PRDM10: variants seen among roughly 807,000 people sequenced by gnomAD.
PRDM10 encodes the protein PR domain zinc finger protein 10.
A neutral mutation model predicts 133.1 loss-of-function variants in PRDM10; 65 were observed. The ratio of observed to expected loss-of-function variants is 0.49; its 90% CI spans 0.40 to 0.60. PRDM10 has a LOEUF of 0.60. Among genes scored for constraint, PRDM10 ranks in the 20% least tolerant of loss-of-function variants. The probability of loss-of-function intolerance (pLI) is 0.00; values close to 1 mark genes in which losing one functional copy is unlikely to be tolerated. For missense variants in PRDM10, 1,137 were observed against 1,507.1 expected (o/e 0.75, Z 4.07); for synonymous variants, 582 against 580.4 (o/e 1.00, Z -0.04).
At chr11:129,972,816 A>G (rs1952061549) in intron 1 of PRDM10, among the ~76,000 whole-genome samples, 2 of 152,200 alleles carry the variant, frequency 1.3e-5, no homozygotes, top group African/African-American at 4.8e-5. Context: ...GCCCAAGTCA[A>G]GGAAAAGTGC....
chr11:129,977,851 G>A (rs1277223999), intron 1 of PRDM10, among the ~76,000 whole-genome samples: 2 of 152,118 alleles, frequency 1.3e-5, no homozygotes, highest in Non-Finnish European at 2.9e-5. Flanking sequence ...AGCTAAGTCG[G>A]GAGGCTGAAG....
intron 3 of PRDM10, among the ~76,000 whole-genome samples, chr11:129,955,938 G>A (rs766808646): frequency 4.6e-5 from 7 of 152,148 alleles, no homozygotes; most frequent in Non-Finnish European, 8.8e-5. Flanking sequence ...CACTGCTCAC[G>A]GGAGTAGACT....
At position 129,900,344 on chromosome 11, in the gene PRDM10, A is replaced by AAAGAAGAAG. The variant is rs57861880; in HGVS notation, c.*1960_*1968dup. Reference sequence around the variant, plus strand: ...AGAGTCTTTATTTCACTTAAGGACCAAAGAAGAAGAAGAAGAAGAAGAAGA... The same window carrying AAAGAAGAAG: ...AGAGTCTTTATTTCACTTAAGGACCAAAGAAGAAGAAGAAGAAGAAGAAGAAGAAGAAGA... On this transcript the variant is annotated 3_prime_UTR_variant, in exon 21 of 21. Transcript: ENST00000360871. 1,426 of 151,254 alleles carry AAAGAAGAAG rather than the reference A, an allele frequency of 9.4e-3. 13 individuals are homozygous for AAAGAAGAAG. The highest frequency in any genetic ancestry group is 0.022 in the African/African-American group (884 of 41,060). The allele number at this position is 151,254 out of a possible 1,614,324, so 9.4% of individuals were successfully genotyped here.
At chr11:129,951,566 G>A (rs1023753037) in intron 4 of PRDM10, among the ~76,000 whole-genome samples, 1 of 152,044 alleles carries the variant, frequency 6.6e-6, no homozygotes, top group Non-Finnish European at 1.5e-5. Flanking sequence ...TAAACTTACG[G>A]TATACTTTCT....
chr11:129,954,826 C>T (rs749143044), intron 4 of PRDM10, among the ~76,000 whole-genome samples: 3 of 152,140 alleles, frequency 2.0e-5, no homozygotes, highest in Non-Finnish European at 2.9e-5. Context: ...GTGTGCACCA[C>T]CACACCTGGC....
At chr11:129,941,250 C>T (rs1022948181) in intron 7 of PRDM10, among the ~76,000 whole-genome samples, 1 of 152,126 alleles carries the variant, frequency 6.6e-6, no homozygotes, top group Non-Finnish European at 1.5e-5. Flanking sequence ...TATCAGGAAG[C>T]TAAAGAGTAT....
chr11:129,919,901 G>A (rs921066740), intron 13 of PRDM10, among the ~76,000 whole-genome samples: 6 of 152,078 alleles, frequency 3.9e-5, no homozygotes, highest in African/African-American at 1.4e-4. Context: ...CAATGCATAC[G>A]ACCCAACTCT....
intron 1 of PRDM10, among the ~76,000 whole-genome samples, chr11:129,991,339 T>C (rs1263398580): frequency 6.6e-6 from 1 of 152,236 alleles, no homozygotes; most frequent in African/African-American, 2.4e-5. Flanking sequence ...ACTGATGTAT[T>C]TCACCAGAAA....
intron 9 of PRDM10, among the ~76,000 whole-genome samples, chr11:129,934,161 T>A (rs926199318): frequency 3.3e-5 from 5 of 152,242 alleles, no homozygotes; most frequent in African/African-American, 9.6e-5. Context: ...CAACCCTGTG[T>A]AATTCAATTC....
At chr11:129,946,359 G>A in intron 5 of PRDM10, among the ~76,000 whole-genome samples, 1 of 152,122 alleles carries the variant, frequency 6.6e-6, no homozygotes, top group East Asian at 1.9e-4. Flanking sequence ...GATTAGATGT[G>A]GAGCTTGAAC....
chr11:129,999,885 A>G (rs1431440262), intron 1 of PRDM10, among the ~76,000 whole-genome samples: 1 of 152,128 alleles, frequency 6.6e-6, no homozygotes, highest in East Asian at 1.9e-4. Context: ...TTAGACACCT[A>G]TTTACGTCTT....
Position 129,918,478 on chromosome 11 carries a change from T to A in PRDM10, c.2214+61A>T. On this transcript the variant is annotated intron_variant, in intron 14 of 20. Coordinates refer to ENST00000360871, the MANE Select transcript of PRDM10 (RefSeq NM_199437.2). The surrounding 1 kb of genome is among the most constrained non-coding windows in gnomAD (Gnocchi z 5.3). ...ACACAATGCAACACAAACGTCACCA[T>A]CATCGACAGCAATGAGGTATGCTGG... 6.5e-7 allele frequency: 1 copy of A among 1,545,488 alleles called. No homozygotes were observed. The highest frequency in any genetic ancestry group is 1.2e-5 in the South Asian group (1 of 82,808).
chr11:129,950,862 C>T (rs1028192308), intron 4 of PRDM10, among the ~76,000 whole-genome samples: 4 of 152,158 alleles, frequency 2.6e-5, no homozygotes, highest in South Asian at 2.1e-4. Flanking sequence ...AGAAAGACAC[C>T]GGTTTGGCAA....
intron 4 of PRDM10, among the ~76,000 whole-genome samples, chr11:129,953,039 T>G (rs1193421829): frequency 2.0e-5 from 3 of 151,990 alleles, no homozygotes; most frequent in Non-Finnish European, 4.4e-5. Context: ...AATGGCACGA[T>G]CTCAGCTCAC....
Position 129,950,314 on chromosome 11 carries a change from C to T in PRDM10, c.295-2944G>A, listed in dbSNP as rs546571589. Among the ~76,000 whole-genome samples, 8 of 152,254 alleles carry T rather than the reference C, an allele frequency of 5.3e-5. No individual in the cohort carries two copies. In the East Asian group the frequency reaches 9.6e-4, roughly 18 times the overall value. ...CTGACCTGCAACGGCTGTGTAAGAGCGTTACCCAACATTTGAAACACTCTG... is the reference window on the plus strand; with the variant it reads ...CTGACCTGCAACGGCTGTGTAAGAGTGTTACCCAACATTTGAAACACTCTG... On this transcript the variant is annotated intron_variant, in intron 4 of 20. Coordinates refer to ENST00000360871, the MANE Select transcript of PRDM10 (RefSeq NM_199437.2).
chr11:129,907,474 G>A (rs116265695), intron 19 of PRDM10, among the ~76,000 whole-genome samples: 2,293 of 152,168 alleles, frequency 0.015, 40 homozygotes, highest in African/African-American at 0.049. Flanking sequence ...CCGCGATCTC[G>A]GCTCACCACA....
Position 129,925,160 on chromosome 11 carries a change from C to T in PRDM10, c.1600G>A (p.Ala534Thr). Residue 534 changes from alanine (A) to threonine (T), a missense_variant, in exon 12 of 21, where the codon GCC becomes ACC. Physicochemically the swap from Ala to Thr is moderately conservative, Grantham distance 58. This residue lies in a region of PRDM10 where 635 missense variants were observed against 835.2 expected (regional missense o/e 0.76). Transcript: ENST00000360871. ...RPFKCLQCGK[A>T]FREKDKLDQH... ...TCCAGTTTGTCCTTTTCCCGGAAGG[C>T]CTTCCCACACTGCAAGCATTTAAAA... 1 of 1,614,166 alleles carries T rather than the reference C, an allele frequency of 6.2e-7. No individual in the cohort carries two copies. Among genetic ancestry groups the T allele is most frequent in the East Asian group, 2.2e-5 (1 of 44,886 alleles).
intron 12 of PRDM10, 121 bp downstream of exon 12, chr11:129,924,761 G>A: frequency 1.2e-6 from 1 of 825,322 alleles, no homozygotes; most frequent in South Asian, 1.7e-5. Flanking sequence ...GTTCTCAATT[G>A]TAAAGTTGTT....
At chr11:129,907,343 A>G (rs991272162) in intron 19 of PRDM10, among the ~76,000 whole-genome samples, 2 of 152,206 alleles carry the variant, frequency 1.3e-5, no homozygotes, top group African/African-American at 2.4e-5. Context: ...CACATATTAA[A>G]AGAAACTCAA....
Sources: allele counts gnomAD v4.1 joint callset (sites outside exome capture counted in the v4.1 genomes callset), GRCh38; gene constraint gnomAD v4.1.1; regional missense constraint gnomAD v4.1.1; non-coding constraint Gnocchi (gnomAD v3.1); transcripts MANE v1.5; gene names NCBI Gene and HGNC (gene_info 2026-07-23, HGNC 2026-07-21).